GSE1: variants seen among roughly 807,000 people sequenced by gnomAD.
GSE1 encodes genetic suppressor element 1.
GSE1 carries 32 observed loss-of-function variants against 112.6 expected under a neutral mutation model. The ratio of observed to expected loss-of-function variants is 0.28; its 90% CI spans 0.21 to 0.38. The LOEUF is 0.38. Ranked by LOEUF, GSE1 falls within the 10% of genes least tolerant of loss-of-function variation. The probability of loss-of-function intolerance (pLI) is 1.00; values close to 1 mark genes in which losing one functional copy is unlikely to be tolerated. For synonymous variants in GSE1, 1,115 were observed against 735.6 expected, an observed-to-expected ratio of 1.52 and a Z score of -8.35; for missense variants, 2,348 against 1,699.2, an observed-to-expected ratio of 1.38 and a Z score of -6.71.
At chr16:85,348,897 GA>G (rs1033922692) in intron 1 of GSE1, among the ~76,000 whole-genome samples, 83 of 152,062 alleles carry the variant, frequency 5.5e-4, no homozygotes, top group African/African-American at 1.9e-3. Flanking sequence ...AGAGATGGGG[GA>G]GAGTCTGATC....
At chr16:85,619,535 G>A (rs1424602394) in intron 1 of GSE1, among the ~76,000 whole-genome samples, 4 of 152,200 alleles carry the variant, frequency 2.6e-5, no homozygotes, top group Admixed American at 6.5e-5. Context: ...AGCCCCAGAC[G>A]GGCCTGGAGG....
chr16:85,240,637 G>A (rs750735236), intron 1 of GSE1, among the ~76,000 whole-genome samples: 4 of 152,326 alleles, frequency 2.6e-5, no homozygotes, highest in Middle Eastern at 3.4e-3. Flanking sequence ...GATGGTGCAT[G>A]GAGGGGTCAT....
intron 1 of GSE1, among the ~76,000 whole-genome samples, chr16:85,632,171 A>G (rs1233652580): frequency 6.6e-6 from 1 of 152,186 alleles, no homozygotes; most frequent in African/African-American, 2.4e-5. Flanking sequence ...CCCTCCAGAA[A>G]GAGCCAAGGG....
chr16:85,548,098 G>A (rs2044765483), intron 2 of GSE1, among the ~76,000 whole-genome samples: 1 of 151,300 alleles, frequency 6.6e-6, no homozygotes, highest in Admixed American at 6.6e-5. Flanking sequence ...GCGTGGTGGC[G>A]CATGCCTGTA....
intron 1 of GSE1, among the ~76,000 whole-genome samples, chr16:85,252,735 G>A (rs940681319): frequency 9.2e-5 from 14 of 152,212 alleles, no homozygotes; most frequent in African/African-American, 3.1e-4. Flanking sequence ...ATCAGAGAAC[G>A]CCACAGTTGA....
upstream of GSE1, among the ~76,000 whole-genome samples, chr16:85,610,265 T>C: frequency 6.6e-6 from 1 of 152,336 alleles, no homozygotes; most frequent in East Asian, 1.9e-4. Flanking sequence ...TCCGTAGGCC[T>C]GGCCCTGGCA....
At chr16:85,570,064 C>T (rs2045919903) in intron 1 of GSE1, among the ~76,000 whole-genome samples, 1 of 152,182 alleles carries the variant, frequency 6.6e-6, no homozygotes, top group East Asian at 1.9e-4. Context: ...GCTGAACTGG[C>T]CACTTCTTGC....
At chr16:85,188,743 G>A (rs2074760838) in intron 1 of GSE1, among the ~76,000 whole-genome samples, 1 of 151,782 alleles carries the variant, frequency 6.6e-6, no homozygotes. Flanking sequence ...CAAGGCTGCA[G>A]TGAGCTATGA....
rs189456533 is a variant in GSE1, at chr16:85,501,221, C to G, written c.2465-132693C>G. Among the ~76,000 whole-genome samples, 69 of 151,956 alleles carry G rather than the reference C, an allele frequency of 4.5e-4. No individual in the cohort carries two copies. In the East Asian group the frequency reaches 0.011, roughly 24 times the overall value. On this transcript the variant is annotated intron_variant, in intron 2 of 2. Coordinates refer to the GSE1 transcript ENST00000637419. Reference sequence around the variant, plus strand: ...CTTTCACCGTGTTAGCCAGGATAGTCTCAATCTCCTGACCTCGTGATCCAC... The same window carrying G: ...CTTTCACCGTGTTAGCCAGGATAGTGTCAATCTCCTGACCTCGTGATCCAC...
intron 8 of GSE1, 95 bp downstream of exon 8, chr16:85,657,699 C>G (rs1026225517): frequency 2.7e-5 from 21 of 783,194 alleles, no homozygotes; most frequent in Non-Finnish European, 3.4e-5. Flanking sequence ...ACATCCTGCC[C>G]CAGCGTTTCT....
chr16:85,486,505 C>A (rs1008920923), intron 2 of GSE1, among the ~76,000 whole-genome samples: 1 of 152,208 alleles, frequency 6.6e-6, no homozygotes, highest in African/African-American at 2.4e-5. Flanking sequence ...TGGCTCCGTT[C>A]GGGGGTGGCA....
Position 85,668,439 on chromosome 16 carries a change from G to A in GSE1, c.3415+15G>A, listed in dbSNP as rs753730204. 4 of 1,537,562 alleles carry A rather than the reference G, an allele frequency of 2.6e-6. No homozygotes were observed. Among genetic ancestry groups the A allele is most frequent in the Non-Finnish European group, 1.8e-6 (2 of 1,130,678 alleles). On this transcript the variant is annotated intron_variant, in intron 14 of 15. Transcript: ENST00000253458. ...ACACATAGAAGGTAAGGGGGTGCTG[G>A]GGAAGAGGGGGGAGGGGGTCAGGAA...
chr16:85,270,588 C>T (rs58113118), intron 1 of GSE1, among the ~76,000 whole-genome samples: 5,717 of 148,926 alleles, frequency 0.038, 484 homozygotes, highest in African/African-American at 0.13. Flanking sequence ...AATCAAAGCT[C>T]TCGGGCTGTT....
intron 1 of GSE1, among the ~76,000 whole-genome samples, chr16:85,621,562 C>G (rs1388411049): frequency 6.6e-6 from 1 of 152,160 alleles, no homozygotes; most frequent in Non-Finnish European, 1.5e-5. Context: ...TGCCAGACCC[C>G]TGGAGCCTGT....
intron 2 of GSE1, among the ~76,000 whole-genome samples, chr16:85,499,190 C>T (rs1170304378): frequency 6.6e-6 from 1 of 151,630 alleles, no homozygotes; most frequent in Non-Finnish European, 1.5e-5. Context: ...GAGGCCAAGG[C>T]CTGGGCACAG....
At chr16:85,267,953 A>G (rs552327379) in intron 1 of GSE1, among the ~76,000 whole-genome samples, 1 of 152,304 alleles carries the variant, frequency 6.6e-6, no homozygotes, top group South Asian at 2.1e-4. Flanking sequence ...AGATGGGGCT[A>G]ATAGCAGTGC....
At chr16:85,456,149 G>C (rs1027496129) in intron 2 of GSE1, among the ~76,000 whole-genome samples, 3 of 152,334 alleles carry the variant, frequency 2.0e-5, no homozygotes, top group African/African-American at 7.2e-5. Flanking sequence ...GTTCAGAGGA[G>C]GGTCACCGAG....
chr16:85,193,991 G>A (rs963882168), intron 1 of GSE1, among the ~76,000 whole-genome samples: 3 of 152,168 alleles, frequency 2.0e-5, no homozygotes, highest in South Asian at 4.1e-4. Flanking sequence ...TTGTGTGTGC[G>A]TACATCTGTG....
intron 1 of GSE1, among the ~76,000 whole-genome samples, chr16:85,199,332 C>T (rs974928058): frequency 6.6e-5 from 10 of 152,072 alleles, no homozygotes; most frequent in African/African-American, 1.9e-4. Context: ...GCAATCCTCC[C>T]GCCTCAGCCT....
Sources: allele counts gnomAD v4.1 joint callset (sites outside exome capture counted in the v4.1 genomes callset), GRCh38; gene constraint gnomAD v4.1.1; transcripts MANE v1.5; gene names NCBI Gene and HGNC (gene_info 2026-07-23, HGNC 2026-07-21).